MIER2: variants seen among roughly 807,000 people sequenced by gnomAD.
MIER2 encodes mesoderm induction early response protein 2.
Under a neutral mutation model 67.6 loss-of-function variants are expected in MIER2, and 30 were observed. That is an observed-to-expected ratio of 0.44 (90% CI 0.33 to 0.60). The LOEUF is 0.60. MIER2 is among the 20% of genes least tolerant of loss of function. The pLI is 0.02. For synonymous variants in MIER2, 372 were observed against 312.6 expected (o/e 1.19, Z -2.00); for missense variants, 702 against 745.1 (o/e 0.94, Z 0.67).
At chr19:322,739 G>C (rs546771711) in intron 7 of MIER2, among the ~76,000 whole-genome samples, 1 of 151,798 alleles carries the variant, frequency 6.6e-6, no homozygotes, top group South Asian at 2.1e-4. Flanking sequence ...AGCAGTATGC[G>C]TCACCCTAAG....
At position 326,570 on chromosome 19, in the gene MIER2, C is replaced by G. The variant is rs1600151570; in HGVS notation, c.522G>C (p.Glu174Asp). The change falls in exon 6 of 14, where the codon GAG (glutamate) becomes GAC (aspartate). Residue 174 changes from glutamate to aspartate, a missense_variant. By Grantham distance (45) the Glu-to-Asp change is conservative. Around this residue, in one of 3 missense-constraint regions of MIER2, gnomAD observed 320 missense variants for 292.6 expected, o/e 1.09. Coordinates refer to ENST00000264819, the MANE Select transcript of MIER2 (RefSeq NM_017550.3). ...GSRFLADEDR[E>D]PGSSASSDTE... Reference sequence around the variant, plus strand: ...TGTCGGAGGAGGCAGAAGAGCCAGGCTCTCTGTCTTCATCAGCCAGGAAAC... The same window carrying G: ...TGTCGGAGGAGGCAGAAGAGCCAGGGTCTCTGTCTTCATCAGCCAGGAAAC... The G allele has an allele frequency of 1.9e-6, 3 of 1,614,108 alleles. No individual in the cohort carries two copies. In the East Asian group the frequency reaches 6.7e-5, roughly 36 times the overall value.
intron 7 of MIER2, among the ~76,000 whole-genome samples, chr19:321,882 T>C (rs1446347187): frequency 6.6e-6 from 1 of 151,974 alleles, no homozygotes; most frequent in East Asian, 1.9e-4. Context: ...AATGGACTTT[T>C]GTTGTTTTTA....
At chr19:328,676 A>G (rs145263964) in intron 3 of MIER2, among the ~76,000 whole-genome samples, 119 of 152,302 alleles carry the variant, frequency 7.8e-4, no homozygotes, top group African/African-American at 2.7e-3. Flanking sequence ...TGTACTCGGG[A>G]GATGGAGGTT....
chr19:317,531 A>AAAATAAATAAATAAATAAAT (rs370133340), intron 7 of MIER2, among the ~76,000 whole-genome samples: 96 of 143,984 alleles, frequency 6.7e-4, no homozygotes, highest in Admixed American at 1.5e-3. Context: ...TGTCTCAGAA[A>AAAATAAATAAATAAATAAAT]AAATAAATAA....
In MIER2 at chr19:307,820, A is replaced by G. The variant is rs73916876; in HGVS notation, c.1199-284T>C. Among the ~76,000 whole-genome samples, 1,300 of 140,946 alleles carry G rather than the reference A, an allele frequency of 9.2e-3. 22 individuals are homozygous for G. Among genetic ancestry groups the G allele is most frequent in the African/African-American group, 0.035 (1,181 of 33,430 alleles). 92.5% of individuals were successfully genotyped at this position (140,946 alleles called of 152,430 possible). On this transcript the variant is annotated intron_variant, in intron 12 of 13. Coordinates refer to ENST00000264819, the MANE Select transcript of MIER2 (RefSeq NM_017550.3). ...CATAGGTGTAAACAATGCCGGGGGC[A>G]CTGCAGAGGGTAAATACAGGGTCTG...
At chr19:330,901 T>A (rs536554238) in intron 3 of MIER2, among the ~76,000 whole-genome samples, 4 of 152,316 alleles carry the variant, frequency 2.6e-5, no homozygotes, top group Admixed American at 2.6e-4. Flanking sequence ...AACTACTCTC[T>A]ACAAAACTAT....
At chr19:327,325 A>C in intron 4 of MIER2, 69 bp from the exon 5 acceptor site, 1 of 1,524,522 alleles carries the variant, frequency 6.6e-7, no homozygotes, top group South Asian at 1.2e-5. Context: ...ACTAATGATA[A>C]CAACAGTAAA....
intron 7 of MIER2, among the ~76,000 whole-genome samples, chr19:322,311 G>A (rs1308063062): frequency 6.6e-6 from 1 of 152,048 alleles, no homozygotes; most frequent in Non-Finnish European, 1.5e-5. Context: ...AAGAGCCTGA[G>A]GTAAGCAAAC....
intron 4 of MIER2, 61 bp from the exon 5 acceptor site, chr19:327,317 T>C: frequency 1.3e-6 from 2 of 1,533,926 alleles, no homozygotes; most frequent in Non-Finnish European, 1.7e-6. Context: ...GCAATACCAC[T>C]AATGATAACA....
chr19:318,034 T>G (rs1971336319), intron 7 of MIER2, among the ~76,000 whole-genome samples: 1 of 151,242 alleles, frequency 6.6e-6, no homozygotes, highest in Admixed American at 6.6e-5. Flanking sequence ...TGAAACCCCA[T>G]CTCTACTAAA....
chr19:330,555 GAAAAAAA>G (rs560773666), intron 3 of MIER2, among the ~76,000 whole-genome samples: 7 of 73,860 alleles, frequency 9.5e-5, no homozygotes, highest in Admixed American at 9.2e-4. Context: ...TCAAAAAAAA[GAAAAAAA>G]AAAAAAAAAA....
intron 3 of MIER2, 126 bp from the exon 4 acceptor site, chr19:328,115 C>G (rs931953673): frequency 7.9e-7 from 1 of 1,269,502 alleles, no homozygotes; most frequent in African/African-American, 1.5e-5. Context: ...AGCAACTCCC[C>G]ACATGGCAGC....
rs147410345 is a variant in MIER2, at chr19:312,181, C to G, written c.889+10G>C. On this transcript the variant is annotated intron_variant, in intron 9 of 13. Transcript: ENST00000264819. ...GCCGCAGCGGAAGGAAGGCCCAGACCGCTGCTCACCTCGGATCACCTTCAC... is the reference window on the plus strand; with the variant it reads ...GCCGCAGCGGAAGGAAGGCCCAGACGGCTGCTCACCTCGGATCACCTTCAC... 8 of 1,590,350 alleles carry G rather than the reference C, an allele frequency of 5.0e-6. No homozygotes were observed. In the South Asian group the frequency reaches 5.5e-5, roughly 11 times the overall value.
At position 341,625 on chromosome 19, in the gene MIER2, G is replaced by C. The variant is rs927014762; in HGVS notation, c.9+3149C>G. Among the ~76,000 whole-genome samples, 79 of 152,100 alleles carry C rather than the reference G, an allele frequency of 5.2e-4. 1 individual carries two copies. Among genetic ancestry groups the C allele is most frequent in the African/African-American group, 1.8e-3 (74 of 41,402 alleles). ...AGTCTACTCTCAAAGCAGGTTCCCA[G>C]GGACTCTACTTCACTCACTCAGAAC... On this transcript the variant is annotated intron_variant, in intron 1 of 13. Transcript: ENST00000264819.
intron 1 of MIER2, chr19:344,173 T>G: frequency 1.0e-6 from 1 of 985,426 alleles, no homozygotes; most frequent in African/African-American, 1.7e-5. Context: ...CCCGACGCTC[T>G]CTAGGCCCCG....
At chr19:328,852 C>T (rs957322306) in intron 3 of MIER2, among the ~76,000 whole-genome samples, 32 of 152,204 alleles carry the variant, frequency 2.1e-4, no homozygotes, top group African/African-American at 7.7e-4. Context: ...GAGCAGCCCC[C>T]ATCACGATCT....
rs766291765 is a variant in MIER2 at position 307,451 on chromosome 19, C to T, written c.1284G>A (p.Pro428=). The change falls in exon 13 of 14, where the codon CCG becomes CCA. Residue 428 remains proline (P), a synonymous_variant. Transcript: ENST00000264819. ...SDGLPSSEPG[P]CSFQQLDESP... is the part of the protein sequence containing the mutation. ...ACTCATCCAGCTGCTGGAAGGAACACGGCCCTGGCTCCGAGGACGGGAGTC... is the reference window on the plus strand; with the variant it reads ...ACTCATCCAGCTGCTGGAAGGAACATGGCCCTGGCTCCGAGGACGGGAGTC... The T allele has an allele frequency of 5.7e-6, 9 of 1,581,432 alleles. No individual in the cohort carries two copies. The highest frequency in any genetic ancestry group is 3.5e-5 in the Admixed American group (2 of 57,126).
chr19:341,151 C>G (rs1188157641), intron 1 of MIER2, among the ~76,000 whole-genome samples: 2 of 152,176 alleles, frequency 1.3e-5, no homozygotes, highest in East Asian at 3.9e-4. Context: ...GGGTAGGGGT[C>G]GAGGACAGGT....
At chr19:344,404 C>G in intron 1 of MIER2, 2 of 983,830 alleles carry the variant, frequency 2.0e-6, no homozygotes, top group Non-Finnish European at 2.4e-6. Context: ...CCGCGGGGCC[C>G]GGGCCGGGGC....
Sources: gnomAD v4.1 joint callset for allele counts (sites outside exome capture counted in the v4.1 genomes callset) on GRCh38, gnomAD v4.1.1 for gene constraint, gnomAD v4.1.1 regional missense constraint, MANE v1.5 for transcripts, NCBI Gene and HGNC (gene_info 2026-07-23, HGNC 2026-07-21) for gene names.